Variants in PLEKHM3 observed in about 807,000 individuals in gnomAD.
PLEKHM3 encodes pleckstrin homology domain containing M3, also known as pleckstrin homology domain-containing family M member 3.
In PLEKHM3, 45 loss-of-function variants were observed where a neutral mutation model predicts 81.8. The ratio of observed to expected loss-of-function variants is 0.55; its 90% CI spans 0.43 to 0.71. The LOEUF (loss-of-function observed/expected upper bound fraction) is 0.71, where lower values mean the gene tolerates loss of function less well. PLEKHM3 is among the 30% of genes least tolerant of loss of function. The pLI is 0.00. For synonymous variants in PLEKHM3, 352 were observed against 356.4 expected, an observed-to-expected ratio of 0.99 and a Z score of 0.14; for missense variants, 788 against 924.3, an observed-to-expected ratio of 0.85 and a Z score of 1.91.
intron 1 of PLEKHM3, among the ~76,000 whole-genome samples, chr2:208,015,862 C>T (rs372884972): frequency 1.3e-5 from 2 of 152,170 alleles, no homozygotes; most frequent in African/African-American, 2.4e-5. Flanking sequence ...ATGTTACAAT[C>T]GATAATTCAA....
At chr2:207,867,508 T>G (rs1287260617) in intron 6 of PLEKHM3, among the ~76,000 whole-genome samples, 5 of 152,136 alleles carry the variant, frequency 3.3e-5, no homozygotes, top group Non-Finnish European at 7.3e-5. Context: ...ATACAACTAT[T>G]AGAAGCACTA....
intron 5 of PLEKHM3, among the ~76,000 whole-genome samples, 183 bp downstream of exon 5, chr2:207,930,743 G>T (rs530752620): frequency 6.6e-5 from 10 of 152,244 alleles, no homozygotes; most frequent in Admixed American, 6.5e-4. Context: ...AACCAAATGG[G>T]GACCTTGGAG....
chr2:207,928,609 G>A (rs2621474), intron 5 of PLEKHM3, among the ~76,000 whole-genome samples: 2 of 152,108 alleles, frequency 1.3e-5, no homozygotes, highest in East Asian at 1.9e-4. Flanking sequence ...AATTTTTGCC[G>A]GAAGGGCAGG....
intron 1 of PLEKHM3, among the ~76,000 whole-genome samples, chr2:208,008,501 C>CAAAAAAAAAAAA (rs59305459): frequency 2.4e-5 from 2 of 83,744 alleles, no homozygotes; most frequent in African/African-American, 5.5e-5. Flanking sequence ...CTAACCTTGC[C>CAAAAAAAAAAAA]AAAAAAAAAA....
intron 7 of PLEKHM3, among the ~76,000 whole-genome samples, chr2:207,845,579 C>T (rs1043940534): frequency 2.6e-5 from 4 of 152,206 alleles, no homozygotes; most frequent in African/African-American, 7.2e-5. Flanking sequence ...CAGTAAAACA[C>T]ATCCATCTCC....
chr2:207,974,674 T>A (rs1392090407), intron 3 of PLEKHM3, among the ~76,000 whole-genome samples: 1 of 152,196 alleles, frequency 6.6e-6, no homozygotes, highest in Non-Finnish European at 1.5e-5. Context: ...TAAAAATATA[T>A]GTACTAGTAT....
intron 4 of PLEKHM3, among the ~76,000 whole-genome samples, chr2:207,938,155 T>G (rs1201552525): frequency 1.3e-5 from 2 of 152,146 alleles, no homozygotes; most frequent in East Asian, 3.9e-4. Context: ...TTTGGAAGAG[T>G]TAGGGTTGTT....
intron 3 of PLEKHM3, among the ~76,000 whole-genome samples, chr2:207,959,934 T>G (rs976230878): frequency 1.3e-5 from 2 of 152,254 alleles, no homozygotes; most frequent in South Asian, 4.1e-4. Context: ...TCTTCCTTTA[T>G]TCTTTTCCCT....
intron 1 of PLEKHM3, among the ~76,000 whole-genome samples, chr2:208,010,596 T>C (rs1194695901): frequency 6.6e-6 from 1 of 152,172 alleles, no homozygotes; most frequent in Non-Finnish European, 1.5e-5. Flanking sequence ...AGCCTCCAAC[T>C]GCAACAGGAG....
At chr2:207,923,149 C>A (rs979225566) in intron 5 of PLEKHM3, among the ~76,000 whole-genome samples, 6 of 152,002 alleles carry the variant, frequency 3.9e-5, no homozygotes, top group Admixed American at 1.3e-4. Flanking sequence ...TGACAGAGAA[C>A]CTTGAAAACC....
rs1043998774 is a variant in PLEKHM3 at position 207,825,640 on chromosome 2, A to G, written c.*2679T>C. 2.0e-5 allele frequency: 3 copies of G among 152,076 alleles called. No homozygotes were observed. Among genetic ancestry groups the G allele is most frequent in the Non-Finnish European group, 4.4e-5 (3 of 68,024 alleles). 9.4% of individuals were successfully genotyped at this position (152,076 alleles called of 1,614,324 possible). A position where few individuals can be genotyped will look rare whatever the true frequency, so the allele number is the denominator to read the frequency against. On this transcript the variant is annotated 3_prime_UTR_variant, in exon 8 of 8. Coordinates refer to ENST00000427836, the MANE Select transcript of PLEKHM3 (RefSeq NM_001080475.3). ...ATTTTGAATTTTCATGGCAGACCCAACTCCTAAGCTGGCTCCACTCTGTCC... is the reference window on the plus strand; with the variant it reads ...ATTTTGAATTTTCATGGCAGACCCAGCTCCTAAGCTGGCTCCACTCTGTCC...
At chr2:207,850,743 T>C (rs951415273) in intron 7 of PLEKHM3, among the ~76,000 whole-genome samples, 1 of 152,196 alleles carries the variant, frequency 6.6e-6, no homozygotes, top group African/African-American at 2.4e-5. Flanking sequence ...TAAAAAAAAA[T>C]CTAAGTCCTG....
intron 5 of PLEKHM3, among the ~76,000 whole-genome samples, chr2:207,915,768 G>C (rs963655069): frequency 6.6e-6 from 1 of 152,150 alleles, no homozygotes; most frequent in African/African-American, 2.4e-5. Context: ...GATGCATAAG[G>C]AATAATTTTG....
At chr2:207,925,562 A>C (rs562457945) in intron 5 of PLEKHM3, among the ~76,000 whole-genome samples, 1 of 152,328 alleles carries the variant, frequency 6.6e-6, no homozygotes, top group South Asian at 2.1e-4. Flanking sequence ...CTGGCTCTGA[A>C]AGCTAACAGA....
In PLEKHM3 at chr2:208,008,749, CT is replaced by C. The variant is rs566537352; in HGVS notation, c.-318-6793del. Among the ~76,000 whole-genome samples the C allele has an allele frequency of 2.0e-3, 305 of 152,292 alleles. 1 individual carries two copies. The highest frequency in any genetic ancestry group is 7.0e-3 in the African/African-American group (290 of 41,554). ...TGGGTACCACATTCACTGAAGTTTT[CT>C]TCTCATTTCTACCCACTTAGTCTCC... is the stretch of plus-strand genomic sequence containing the variant. On this transcript the variant is annotated intron_variant, in intron 1 of 7. Transcript: ENST00000427836.
At chr2:207,948,993 C>G (rs1478433109) in intron 3 of PLEKHM3, among the ~76,000 whole-genome samples, 1 of 151,998 alleles carries the variant, frequency 6.6e-6, no homozygotes, top group African/African-American at 2.4e-5. Context: ...TTTTTTTTAT[C>G]CTCAGCACTT....
chr2:208,007,850 T>C (rs1248919508), intron 1 of PLEKHM3, among the ~76,000 whole-genome samples: 2 of 152,146 alleles, frequency 1.3e-5, no homozygotes, highest in African/African-American at 4.8e-5. Context: ...GGTCAGGAGA[T>C]GGAGACCATC....
chr2:207,915,050 G>A (rs139673598), intron 5 of PLEKHM3, among the ~76,000 whole-genome samples: 3 of 152,152 alleles, frequency 2.0e-5, no homozygotes, highest in African/African-American at 7.2e-5. Flanking sequence ...CGAGTTTCCT[G>A]GTAGCAAAGA....
At chr2:207,943,895 A>ATGC (rs1398634470) in intron 4 of PLEKHM3, among the ~76,000 whole-genome samples, 1 of 150,102 alleles carries the variant, frequency 6.7e-6, no homozygotes, top group African/African-American at 2.4e-5. Flanking sequence ...AAAAAAAGAA[A>ATGC]TGCTGTACCA....
Sources: gnomAD v4.1 joint callset for allele counts (sites outside exome capture counted in the v4.1 genomes callset) on GRCh38, gnomAD v4.1.1 for gene constraint, MANE v1.5 for transcripts, NCBI Gene and HGNC (gene_info 2026-07-23, HGNC 2026-07-21) for gene names.